CATSPERE: variants seen among roughly 807,000 people sequenced by gnomAD.
CATSPERE encodes the protein catsper channel auxiliary subunit epsilon.
Under a neutral mutation model 114.1 loss-of-function variants are expected in CATSPERE, and 93 were observed. The observed-to-expected ratio is 0.81, with a 90% CI of 0.69 to 0.97. The LOEUF is 0.97. CATSPERE is among the 50% of genes least tolerant of loss of function. CATSPERE has a pLI of 0.00. For synonymous variants in CATSPERE, 341 were observed against 384.1 expected (o/e 0.89, Z 1.31); for missense variants, 1,058 against 1,131.6 (o/e 0.93, Z 0.93).
chr1:244,605,735 T>A lies in CATSPERE; in HGVS notation c.2344T>A (p.Phe782Ile). ...NGYVKDVEAN[F>I]IVWEIHGRDD... ...CTATGTTAAAGACGTTGAAGCAAAT[T>A]TCATAGTGTGGGAAATACACGGCAG... The change falls in exon 18 of 22, where the codon TTC becomes ATC. Residue 782 changes from phenylalanine (F) to isoleucine (I), a missense_variant. Around this residue, in one of 2 missense-constraint regions of CATSPERE, gnomAD observed 787 missense variants for 905.6 expected, o/e 0.87. Coordinates refer to ENST00000366534, the MANE Select transcript of CATSPERE (RefSeq NM_001130957.2). 1.2e-6 allele frequency: 2 copies of A among 1,613,640 alleles called. No homozygotes were observed.
At chr1:244,524,700 A>G (rs1678222597) in intron 8 of CATSPERE, among the ~76,000 whole-genome samples, 1 of 151,278 alleles carries the variant, frequency 6.6e-6, no homozygotes, top group African/African-American at 2.5e-5. Context: ...ACACTTCTCA[A>G]AAGAAGACAT....
At chr1:244,506,643 G>T (rs1001658688) in intron 7 of CATSPERE, among the ~76,000 whole-genome samples, 11 of 152,020 alleles carry the variant, frequency 7.2e-5, no homozygotes, top group Non-Finnish European at 1.5e-4. Context: ...AATCTTATTA[G>T]ATTGTGTATA....
chr1:244,503,587 C>G (rs1042385897), intron 7 of CATSPERE, among the ~76,000 whole-genome samples: 1 of 152,076 alleles, frequency 6.6e-6, no homozygotes, highest in Non-Finnish European at 1.5e-5. Flanking sequence ...AAAATAATTT[C>G]TTTTTAAAAT....
upstream of CATSPERE, among the ~76,000 whole-genome samples, chr1:244,459,667 C>T (rs1292451560): frequency 6.6e-6 from 1 of 152,164 alleles, no homozygotes; most frequent in Non-Finnish European, 1.5e-5. Context: ...AGACTACACA[C>T]TAAATTATTT....
At chr1:244,611,374 G>A (rs1445726881) in intron 19 of CATSPERE, among the ~76,000 whole-genome samples, 1 of 151,794 alleles carries the variant, frequency 6.6e-6, no homozygotes, top group East Asian at 1.9e-4. Flanking sequence ...TGGATCACTT[G>A]AGCCCAGGAG....
intron 20 of CATSPERE, 115 bp downstream of exon 20, chr1:244,617,801 G>T: frequency 3.2e-6 from 3 of 949,008 alleles, no homozygotes; most frequent in East Asian, 6.4e-5. Context: ...TTACATATTT[G>T]CTTTTTCATT....
chr1:244,548,229 C>G (rs1024608435), intron 8 of CATSPERE, among the ~76,000 whole-genome samples: 9 of 152,220 alleles, frequency 5.9e-5, no homozygotes, highest in Non-Finnish European at 7.3e-5. Flanking sequence ...GTTTCTCCAG[C>G]CACCATTGTC....
At chr1:244,558,600 G>T (rs1286431489) in intron 9 of CATSPERE, among the ~76,000 whole-genome samples, 1 of 152,094 alleles carries the variant, frequency 6.6e-6, no homozygotes, top group African/African-American at 2.4e-5. Flanking sequence ...ACTTCACAGT[G>T]GTGCCACCAA....
intron 15 of CATSPERE, among the ~76,000 whole-genome samples, chr1:244,592,323 T>C (rs1667836625): frequency 6.6e-6 from 1 of 152,196 alleles, no homozygotes; most frequent in Admixed American, 6.5e-5. Context: ...AGATTTTATA[T>C]TTAATTGTAT....
intron 10 of CATSPERE, among the ~76,000 whole-genome samples, chr1:244,565,739 CAT>C (rs1403641700): frequency 5.3e-5 from 8 of 151,848 alleles, no homozygotes; most frequent in African/African-American, 1.7e-4. Context: ...TTCATAGATT[CAT>C]AGATTCATAG....
At chr1:244,624,878 T>C (rs754988635) in intron 20 of CATSPERE, among the ~76,000 whole-genome samples, 20 of 152,326 alleles carry the variant, frequency 1.3e-4, no homozygotes, top group Non-Finnish European at 2.5e-4. Flanking sequence ...AGTTTTATCA[T>C]GACATTGTGG....
intron 7 of CATSPERE, among the ~76,000 whole-genome samples, chr1:244,501,513 A>G (rs564310975): frequency 1.3e-5 from 2 of 152,224 alleles, no homozygotes; most frequent in African/African-American, 4.8e-5. Flanking sequence ...TTTAAATAGC[A>G]TATTATCCTA....
At chr1:244,472,312 A>G (rs1668613124) in intron 2 of CATSPERE, among the ~76,000 whole-genome samples, 1 of 152,206 alleles carries the variant, frequency 6.6e-6, no homozygotes, top group Non-Finnish European at 1.5e-5. Flanking sequence ...TGAGCAGCAG[A>G]GGAGAGTTCT....
rs771837271 is a variant in CATSPERE at position 244,561,060 on chromosome 1, C to T, written c.1422C>T (p.Thr474=). The change falls in exon 10 of 22, where the codon ACC becomes ACT. Residue 474 remains threonine (T), a synonymous_variant. Coordinates refer to ENST00000366534, the MANE Select transcript of CATSPERE (RefSeq NM_001130957.2). ...TCTACTATTGTTACCATAATTTCAC[C>T]TTTACTGGGATTTTACAGACACCTG... ...HSIYYCYHNF[T]FTGILQTPAG... is the part of the protein sequence containing the mutation. 1 of 1,612,482 alleles carries T rather than the reference C, an allele frequency of 6.2e-7. No homozygotes were observed.
intron 2 of CATSPERE, among the ~76,000 whole-genome samples, chr1:244,474,511 GATT>G (rs1668975322): frequency 6.7e-6 from 1 of 150,216 alleles, no homozygotes; most frequent in South Asian, 2.1e-4. Flanking sequence ...ATTGTTCTTT[GATT>G]ATATTTGATC....
At chr1:244,524,868 G>A (rs1343929149) in intron 8 of CATSPERE, among the ~76,000 whole-genome samples, 4 of 145,478 alleles carry the variant, frequency 2.7e-5, no homozygotes, top group Non-Finnish European at 6.0e-5. Flanking sequence ...TGGAGAAATA[G>A]GAACACTTTT....
At position 244,639,986 on chromosome 1, in the gene CATSPERE, A is replaced by T; in HGVS notation, c.2761A>T (p.Ile921Phe). 1 of 1,548,546 alleles carries T rather than the reference A, an allele frequency of 6.5e-7. No individual in the cohort carries two copies. The highest frequency in any genetic ancestry group is 2.5e-5 in the East Asian group (1 of 40,798). ...LFVLMLLFFT[I>F]LVLSYFRYMR... ...CGTCCTGATGCTGCTCTTCTTCACT[A>T]TTCTTGTTTTGAGCTACTTTCGGTA... The change falls in exon 22 of 22, where the codon ATT becomes TTT. Residue 921 changes from isoleucine to phenylalanine, a missense_variant. Transcript: ENST00000366534.
intron 8 of CATSPERE, among the ~76,000 whole-genome samples, chr1:244,543,637 AAT>A (rs67320193): frequency 0.12 from 18,051 of 145,574 alleles, 1,878 homozygotes; most frequent in African/African-American, 0.28. Context: ...TTTTATTTTA[AAT>A]ATATATATAT....
In CATSPERE at chr1:244,578,841, T is replaced by C. The variant is rs111751526; in HGVS notation, c.1951-2955T>C. Among the ~76,000 whole-genome samples the C allele has an allele frequency of 1.6e-3, 229 of 146,636 alleles. 2 individuals are homozygous for C. Among genetic ancestry groups the C allele is most frequent in the African/African-American group, 5.2e-3 (210 of 40,060 alleles). On this transcript the variant is annotated intron_variant, in intron 11 of 21. Transcript: ENST00000366534. Reference sequence around the variant, plus strand: ...GCATATACATATATATATATATATATATACACACACACACAGGTACATATC... The same window carrying C: ...GCATATACATATATATATATATATACATACACACACACACAGGTACATATC...
Sources: allele counts gnomAD v4.1 joint callset (sites outside exome capture counted in the v4.1 genomes callset), GRCh38; gene constraint gnomAD v4.1.1; regional missense constraint gnomAD v4.1.1; transcripts MANE v1.5; gene names NCBI Gene and HGNC (gene_info 2026-07-23, HGNC 2026-07-21).